LDLRAD4: variants seen among roughly 807,000 people sequenced by gnomAD.
LDLRAD4 encodes low density lipoprotein receptor class A domain containing 4.
Under a neutral mutation model 17.0 loss-of-function variants are expected in LDLRAD4, and 5 were observed. The ratio of observed to expected loss-of-function variants is 0.29; its 90% confidence interval spans 0.15 to 0.62. LDLRAD4 has a LOEUF of 0.62. Among genes scored for constraint, LDLRAD4 ranks in the 20% least tolerant of loss-of-function variants. LDLRAD4 has a pLI of 0.84. For synonymous variants in LDLRAD4, 168 were observed against 171.8 expected (o/e 0.98, Z 0.17); for missense variants, 340 against 424.7 (o/e 0.80, Z 1.75).
At chr18:13,221,239 T>C (rs1451662007) in intron 1 of LDLRAD4, among the ~76,000 whole-genome samples, 1 of 152,216 alleles carries the variant, frequency 6.6e-6, no homozygotes, top group African/African-American at 2.4e-5. Flanking sequence ...ACATGGATAT[T>C]AAATATGAAT....
intron 1 of LDLRAD4, among the ~76,000 whole-genome samples, chr18:13,262,937 G>T (rs529735933): frequency 7.3e-6 from 1 of 136,586 alleles, no homozygotes; most frequent in South Asian, 2.4e-4. Flanking sequence ...GTCCCGTGCG[G>T]CCCTGTGCGT....
intron 2 of LDLRAD4, among the ~76,000 whole-genome samples, chr18:13,397,426 T>G (rs1384837494): frequency 6.6e-6 from 1 of 152,194 alleles, no homozygotes; most frequent in Non-Finnish European, 1.5e-5. Flanking sequence ...TTTTTAATTT[T>G]TAAAAACTTT....
chr18:13,645,263 A>G lies in LDLRAD4; in HGVS notation c.527A>G (p.Asp176Gly). The stretch of plus-strand genomic sequence containing the variant: ...CTTCCTCCCACCATCTCCCTGTCCG[A>G]CGGTGAAGAGCCACCTCCTTACCAG... The change falls in exon 6 of 6, where the codon GAC (aspartate) becomes GGC (glycine). Residue 176 changes from aspartate (D) to glycine (G), a missense_variant. Asp to Gly is a moderately conservative substitution (Grantham distance 94, BLOSUM62 -1). Transcript: ENST00000359446. The surrounding 1 kb of genome is among the most constrained non-coding windows in gnomAD (Gnocchi z 5.7). The G allele has an allele frequency of 6.2e-7, 1 of 1,614,062 alleles. No homozygotes were observed. The highest frequency in any genetic ancestry group is 1.1e-5 in the South Asian group (1 of 91,070).
chr18:13,621,885 C>T lies in LDLRAD4; in HGVS notation c.336+614C>T, dbSNP rs952186604. On this transcript the variant is annotated intron_variant, in intron 4 of 5. Transcript: ENST00000359446. This position sits in a 1 kb window ranked among gnomAD's most constrained non-coding sequence, Gnocchi z 5.5. ...GTGGGGTTGTGGAGGGTGGGGTTGTCGGCGGTGGACCCTCAAGCCAAACTG... is the reference window on the plus strand; with the variant it reads ...GTGGGGTTGTGGAGGGTGGGGTTGTTGGCGGTGGACCCTCAAGCCAAACTG... Among the ~76,000 whole-genome samples, 2 of 151,660 alleles carry T rather than the reference C, an allele frequency of 1.3e-5. No individual in the cohort carries two copies. Among genetic ancestry groups the T allele is most frequent in the Non-Finnish European group, 1.5e-5 (1 of 67,890 alleles).
At chr18:13,369,960 G>A (rs1472321427) in intron 1 of LDLRAD4, among the ~76,000 whole-genome samples, 2 of 152,226 alleles carry the variant, frequency 1.3e-5, no homozygotes, top group African/African-American at 4.8e-5. Flanking sequence ...GCTTGGAACT[G>A]TGGGGGATTC....
At chr18:13,378,575 C>T (rs922229971) in intron 1 of LDLRAD4, among the ~76,000 whole-genome samples, 1 of 152,114 alleles carries the variant, frequency 6.6e-6, no homozygotes, top group Non-Finnish European at 1.5e-5. Flanking sequence ...CTTTCTATTG[C>T]TGCTTTTTAA....
chr18:13,218,311 C>T (rs111420043), upstream of LDLRAD4, among the ~76,000 whole-genome samples: 4,657 of 152,068 alleles, frequency 0.031, 97 homozygotes, highest in East Asian at 0.062. Context: ...CCGGTGGGCA[C>T]GGCGGGGATC....
chr18:13,272,944 A>G (rs1283133137), intron 1 of LDLRAD4, among the ~76,000 whole-genome samples: 1 of 152,240 alleles, frequency 6.6e-6, no homozygotes, highest in Non-Finnish European at 1.5e-5. Context: ...AGAATAATGT[A>G]GTCCTGTGAG....
chr18:13,516,536 G>A (rs1303536491), intron 3 of LDLRAD4, among the ~76,000 whole-genome samples: 2 of 152,192 alleles, frequency 1.3e-5, no homozygotes, highest in Admixed American at 6.5e-5. Context: ...TGTGTACATC[G>A]TGTGGCTCTT....
intron 4 of LDLRAD4, among the ~76,000 whole-genome samples, chr18:13,636,148 A>G (rs1161622627): frequency 6.6e-6 from 1 of 152,066 alleles, no homozygotes; most frequent in East Asian, 1.9e-4. Context: ...CTCACAGGAG[A>G]ATGACAAACA....
intron 3 of LDLRAD4, chr18:13,491,308 G>A (rs748895282): frequency 6.6e-6 from 1 of 152,218 alleles, no homozygotes; most frequent in African/African-American, 2.4e-5. Flanking sequence ...CCCACAGCTA[G>A]CCGGCTGCTC....
intron 3 of LDLRAD4, among the ~76,000 whole-genome samples, chr18:13,557,246 T>C (rs2094493275): frequency 6.6e-6 from 1 of 152,236 alleles, no homozygotes; most frequent in Non-Finnish European, 1.5e-5. Context: ...TACAGTGAGC[T>C]ATGATCACAA....
rs1307864624 is a variant in LDLRAD4 at position 13,440,436 on chromosome 18, A to AACTTT, written c.181+2052_181+2053insACTTT. 6.6e-6 allele frequency among the ~76,000 whole-genome samples: 1 copy of AACTTT among 152,134 alleles called. No homozygotes were observed. Among genetic ancestry groups the AACTTT allele is most frequent in the African/African-American group, 2.4e-5 (1 of 41,404 alleles). ...TGGCTCAACTTTGCCCTAACAGAGG[A>AACTTT]GTCTTACGATCCTGTTGGCAAACTC... On this transcript the variant is annotated intron_variant, in intron 3 of 5. Coordinates refer to ENST00000359446, the Ensembl canonical transcript of LDLRAD4. The surrounding 1 kb of genome is among the most constrained non-coding windows in gnomAD (Gnocchi z 4.4).
At position 13,229,998 on chromosome 18, in the gene LDLRAD4, T is replaced by G. The variant is rs187835803; in HGVS notation, c.-467+11010T>G. 1.1e-4 allele frequency among the ~76,000 whole-genome samples: 16 copies of G among 152,350 alleles called. No homozygotes were observed. The East Asian group carries it at 3.1e-3, about 29-fold the overall frequency. On this transcript the variant is annotated intron_variant, in intron 1 of 5. Transcript: ENST00000399848. ...GTGAATGTTTGTGTGTCCCAGAAAC[T>G]CCTCAATTGAAACATAACTCCACTG...
intron 1 of LDLRAD4, among the ~76,000 whole-genome samples, chr18:13,286,888 T>TG (rs760679715): frequency 6.6e-6 from 1 of 152,172 alleles, no homozygotes; most frequent in Non-Finnish European, 1.5e-5. Flanking sequence ...AGCTGGAATG[T>TG]GCAGGGCAGG....
intron 1 of LDLRAD4, among the ~76,000 whole-genome samples, chr18:13,260,061 C>T (rs1173676317): frequency 1.3e-5 from 2 of 152,224 alleles, no homozygotes; most frequent in African/African-American, 2.4e-5. Flanking sequence ...TGGAATATAG[C>T]AGGTAGATTT....
exon 6 of LDLRAD4, chr18:13,647,512 G>C (rs563545465): frequency 6.6e-6 from 1 of 151,068 alleles, no homozygotes; most frequent in South Asian, 2.1e-4. Context: ...TGTGGGTCTC[G>C]AAGGTGATCC....
At chr18:13,346,175 G>T (rs1269533267) in intron 1 of LDLRAD4, among the ~76,000 whole-genome samples, 1 of 152,074 alleles carries the variant, frequency 6.6e-6, no homozygotes, top group Non-Finnish European at 1.5e-5. Flanking sequence ...TGATGTTTGG[G>T]TGTCAATTTT....
intron 1 of LDLRAD4, among the ~76,000 whole-genome samples, chr18:13,248,363 C>T (rs1469088684): frequency 1.3e-5 from 2 of 152,230 alleles, no homozygotes; most frequent in African/African-American, 4.8e-5. Flanking sequence ...CCCCTCGGTG[C>T]CCAGGGTCCA....
Sources: gnomAD v4.1 joint callset for allele counts (sites outside exome capture counted in the v4.1 genomes callset) on GRCh38, gnomAD v4.1.1 for gene constraint, Gnocchi (gnomAD v3.1) non-coding constraint, MANE v1.5 for transcripts, NCBI Gene and HGNC (gene_info 2026-07-23, HGNC 2026-07-21) for gene names.